Variants in SAMTOR observed in about 807,000 individuals in gnomAD.
The protein encoded by SAMTOR is S-adenosylmethionine sensor upstream of mTORC1.
At chr7:112,821,241 TA>T in the SAMTOR span, 1 of 152,398 alleles carries the variant, frequency 6.6e-6, no homozygotes, top group Non-Finnish European at 1.5e-5. Context: ...AAAAGGAACA[TA>T]AAATGACTTT....
chr7:112,901,998 C>A, the SAMTOR span, among the ~76,000 whole-genome samples: 1 of 152,026 alleles, frequency 6.6e-6, no homozygotes, highest in African/African-American at 2.4e-5. Context: ...CACAGAAGAA[C>A]CTTAAATGCT....
At chr7:112,935,131 A>T in the SAMTOR span, 1 of 356,444 alleles carries the variant, frequency 2.8e-6, no homozygotes, top group East Asian at 8.7e-5. Flanking sequence ...AAGCTTTCTG[A>T]TTCTATATCA....
chr7:112,835,491 TA>T, the SAMTOR span, among the ~76,000 whole-genome samples: 1 of 152,180 alleles, frequency 6.6e-6, no homozygotes, highest in East Asian at 1.9e-4. Context: ...AGTTCTTTTA[TA>T]AACTTTTATT....
At chr7:112,856,318 T>C in the SAMTOR span, among the ~76,000 whole-genome samples, 1 of 151,940 alleles carries the variant, frequency 6.6e-6, no homozygotes, top group Admixed American at 6.6e-5. Flanking sequence ...GGCGTGATTT[T>C]GGCTCATTGC....
At chr7:112,892,057 C>G in the SAMTOR span, among the ~76,000 whole-genome samples, 2 of 152,278 alleles carry the variant, frequency 1.3e-5, no homozygotes, top group South Asian at 4.1e-4. Flanking sequence ...CCAACCACTG[C>G]TTTATCAATT....
chr7:112,902,452 A>C, the SAMTOR span, among the ~76,000 whole-genome samples: 1 of 147,224 alleles, frequency 6.8e-6, no homozygotes, highest in East Asian at 2.0e-4. Context: ...AAAAAAACAA[A>C]AAAAAAAACC....
the SAMTOR span, among the ~76,000 whole-genome samples, chr7:112,867,031 G>A: frequency 1.0e-3 from 152 of 152,300 alleles, no homozygotes; most frequent in Non-Finnish European, 1.9e-3. Context: ...TCAATTATAC[G>A]TTTTTGTAAT....
chr7:112,929,159 A>C, the SAMTOR span, among the ~76,000 whole-genome samples: 1 of 151,956 alleles, frequency 6.6e-6, no homozygotes, highest in Non-Finnish European at 1.5e-5. Flanking sequence ...TGCCATTTTA[A>C]GATAAAAATA....
chr7:112,856,194 T>C, the SAMTOR span, among the ~76,000 whole-genome samples: 1 of 152,038 alleles, frequency 6.6e-6, no homozygotes, highest in Non-Finnish European at 1.5e-5. Flanking sequence ...TAGAAATTAA[T>C]ACCCGAATTA....
the SAMTOR span, among the ~76,000 whole-genome samples, chr7:112,906,157 A>G: frequency 6.6e-6 from 1 of 152,188 alleles, no homozygotes; most frequent in Non-Finnish European, 1.5e-5. Context: ...CATTAAGGTG[A>G]CTTCATTATT....
At chr7:112,892,652 G>A in the SAMTOR span, among the ~76,000 whole-genome samples, 1 of 151,880 alleles carries the variant, frequency 6.6e-6, no homozygotes, top group African/African-American at 2.4e-5. Context: ...CATGCTTGTG[G>A]TGCCAGCTAC....
the SAMTOR span, chr7:112,939,140 A>C: frequency 6.0e-6 from 1 of 167,072 alleles, no homozygotes; most frequent in Non-Finnish European, 1.3e-5. Context: ...CTGATAAGGA[A>C]GCAAATGGTA....
chr7:112,867,836 C>T, the SAMTOR span, among the ~76,000 whole-genome samples: 1,792 of 152,320 alleles, frequency 0.012, 17 homozygotes, highest in South Asian at 0.023. Context: ...TCCCCAACCT[C>T]TGGGCTGCAA....
the SAMTOR span, among the ~76,000 whole-genome samples, chr7:112,840,321 A>C: frequency 6.6e-6 from 1 of 151,936 alleles, no homozygotes; most frequent in Non-Finnish European, 1.5e-5. Context: ...AGAACACTTA[A>C]AATTCTGTTA....
At chr7:112,933,527 C>CTGATGAGT in the SAMTOR span, among the ~76,000 whole-genome samples, 1 of 152,174 alleles carries the variant, frequency 6.6e-6, no homozygotes, top group East Asian at 1.9e-4. Context: ...GTTATCTCAA[C>CTGATGAGT]TGATGTTTCA....
At chr7:112,847,516 T>C in the SAMTOR span, among the ~76,000 whole-genome samples, 1 of 152,204 alleles carries the variant, frequency 6.6e-6, no homozygotes, top group African/African-American at 2.4e-5. Context: ...TGGTGGCTCA[T>C]GCCTGTAATC....
chr7:112,864,814 GCA>G, the SAMTOR span, among the ~76,000 whole-genome samples: 1 of 152,208 alleles, frequency 6.6e-6, no homozygotes, highest in African/African-American at 2.4e-5. Context: ...GAGTGCAGTG[GCA>G]CAATCACAGC....
At chr7:112,872,593 A>G in the SAMTOR span, among the ~76,000 whole-genome samples, 2 of 152,150 alleles carry the variant, frequency 1.3e-5, no homozygotes, top group African/African-American at 4.8e-5. Context: ...CTCCTATTCA[A>G]CATAGTTGAA....
chr7:112,865,275 C>T, the SAMTOR span, among the ~76,000 whole-genome samples: 1 of 151,776 alleles, frequency 6.6e-6, no homozygotes, highest in Admixed American at 6.6e-5. Flanking sequence ...ACAGCAAGAC[C>T]CCCCATCTCT....
Sources: gnomAD v4.1 joint callset for allele counts (sites outside exome capture counted in the v4.1 genomes callset) on GRCh38, gnomAD v4.1.1 for gene constraint, MANE v1.5 for transcripts, NCBI Gene and HGNC (gene_info 2026-07-23, HGNC 2026-07-21) for gene names.